THRB: variants seen among roughly 807,000 people sequenced by gnomAD.
THRB encodes thyroid hormone receptor beta.
A neutral mutation model predicts 47.8 loss-of-function variants in THRB; 12 were observed. That is an observed-to-expected ratio of 0.25 (90% CI 0.16 to 0.41). THRB has a LOEUF of 0.41. Ranked by LOEUF, THRB falls within the 10% of genes least tolerant of loss-of-function variation. THRB has a pLI of 1.00. For synonymous variants in THRB, 218 were observed against 212.2 expected, an observed-to-expected ratio of 1.03 and a Z score of -0.24; for missense variants, 348 against 589.2, an observed-to-expected ratio of 0.59 and a Z score of 4.24.
intron 1 of THRB, among the ~76,000 whole-genome samples, chr3:24,338,614 T>C (rs2062423956): frequency 6.6e-6 from 1 of 152,194 alleles, no homozygotes; most frequent in African/African-American, 2.4e-5. Context: ...AAAGCGATTG[T>C]TGGTTATGTG....
At chr3:24,207,345 G>T (rs949407848) in intron 4 of THRB, among the ~76,000 whole-genome samples, 4 of 152,068 alleles carry the variant, frequency 2.6e-5, no homozygotes, top group Admixed American at 1.3e-4. Context: ...TTCAACTTAC[G>T]CAAATCAATA....
intron 9 of THRB, among the ~76,000 whole-genome samples, chr3:24,130,198 G>A (rs933297788): frequency 1.8e-4 from 28 of 152,168 alleles, no homozygotes; most frequent in African/African-American, 3.6e-4. Flanking sequence ...CAGACCACAC[G>A]ATATCAGGGT....
chr3:24,212,165 G>A (rs1207854145), intron 4 of THRB, among the ~76,000 whole-genome samples: 3 of 152,090 alleles, frequency 2.0e-5, no homozygotes, highest in Admixed American at 1.3e-4. Context: ...TTGGGAGGCC[G>A]AGGTGGGTGG....
chr3:24,179,651 A>T (rs2041638081), intron 5 of THRB, among the ~76,000 whole-genome samples: 1 of 152,178 alleles, frequency 6.6e-6, no homozygotes, highest in South Asian at 2.1e-4. Flanking sequence ...TTTGCCACCA[A>T]TTTTATTTTT....
chr3:24,166,402 T>C (rs182812383), intron 5 of THRB, among the ~76,000 whole-genome samples: 15 of 152,280 alleles, frequency 9.9e-5, no homozygotes, highest in Admixed American at 9.8e-4. Context: ...TCAAATCTGC[T>C]TTTGAGATTA....
At chr3:24,439,170 A>AGATGAGGTAGATGTCATTGTCTG (rs2071279617) in intron 1 of THRB, among the ~76,000 whole-genome samples, 6 of 152,216 alleles carry the variant, frequency 3.9e-5, no homozygotes, top group Admixed American at 3.9e-4. Flanking sequence ...CGCATGAGGT[A>AGATGAGGTAGATGTCATTGTCTG]GATGAGGTAG....
At chr3:24,464,952 A>T (rs1270591156) in intron 1 of THRB, among the ~76,000 whole-genome samples, 1 of 152,172 alleles carries the variant, frequency 6.6e-6, no homozygotes, top group African/African-American at 2.4e-5. Flanking sequence ...AAAAATAGTT[A>T]CTATTAATGT....
intron 1 of THRB, among the ~76,000 whole-genome samples, chr3:24,398,792 G>A (rs975104265): frequency 1.1e-3 from 172 of 152,142 alleles, no homozygotes; most frequent in Non-Finnish European, 1.9e-3. Context: ...AGTTTATTGC[G>A]GCACTATTCA....
Position 24,269,387 on chromosome 3 carries a change from A to G in THRB, c.-43+27839T>C, listed in dbSNP as rs867365647. ...ACCATCATAGCTCATCATAGCTCAC[A>G]CGCGCGCGCGCGCGCGCACACACAC... is the stretch of plus-strand genomic sequence containing the variant. On this transcript the variant is annotated intron_variant, in intron 3 of 10. Coordinates refer to ENST00000646209, the MANE Select transcript of THRB (RefSeq NM_001354712.2). Among the ~76,000 whole-genome samples, 254 of 98,362 alleles carry G rather than the reference A, an allele frequency of 2.6e-3. 1 individual carries two copies. Among genetic ancestry groups the G allele is most frequent in the African/African-American group, 9.4e-3 (242 of 25,848 alleles). The allele number at this position is 98,362 out of a possible 152,430, so 64.5% of individuals were successfully genotyped here.
At chr3:24,355,499 G>C (rs1016777168) in intron 1 of THRB, among the ~76,000 whole-genome samples, 1 of 152,166 alleles carries the variant, frequency 6.6e-6, no homozygotes, top group Non-Finnish European at 1.5e-5. Context: ...TATCAATGTT[G>C]AATTTCCTGG....
At chr3:24,261,545 A>G (rs1408379578) in intron 3 of THRB, among the ~76,000 whole-genome samples, 4 of 150,766 alleles carry the variant, frequency 2.7e-5, no homozygotes, top group Non-Finnish European at 4.4e-5. Flanking sequence ...AGATCCCACT[A>G]TACTCTTCAG....
At chr3:24,326,343 C>A (rs2061592685) in intron 2 of THRB, among the ~76,000 whole-genome samples, 1 of 152,198 alleles carries the variant, frequency 6.6e-6, no homozygotes, top group Non-Finnish European at 1.5e-5. Flanking sequence ...TCAAGCAATT[C>A]TCTTGCCTCA....
intron 5 of THRB, among the ~76,000 whole-genome samples, chr3:24,183,423 A>C (rs1359609171): frequency 7.0e-6 from 1 of 143,094 alleles, no homozygotes; most frequent in Non-Finnish European, 1.5e-5. Flanking sequence ...CTGGAGTGCA[A>C]TGGCGCTATC....
chr3:24,299,569 T>C (rs2056752711), intron 2 of THRB, among the ~76,000 whole-genome samples: 1 of 151,956 alleles, frequency 6.6e-6, no homozygotes, highest in Admixed American at 6.5e-5. Flanking sequence ...CTGATCTCTG[T>C]TTTTCACAGA....
intron 5 of THRB, chr3:24,165,495 A>G (rs1284843514): frequency 1.7e-6 from 1 of 592,688 alleles, no homozygotes; most frequent in Non-Finnish European, 3.0e-6. Context: ...GAAGATGAAT[A>G]AACACCACCA....
intron 1 of THRB, among the ~76,000 whole-genome samples, chr3:24,362,161 T>G (rs975556767): frequency 6.6e-6 from 1 of 152,086 alleles, no homozygotes; most frequent in Non-Finnish European, 1.5e-5. Flanking sequence ...TGCTTTCACC[T>G]CCTCAAAACC....
chr3:24,390,734 T>C (rs1350992541), intron 1 of THRB, among the ~76,000 whole-genome samples: 1 of 150,778 alleles, frequency 6.6e-6, no homozygotes, highest in Non-Finnish European at 1.5e-5. Flanking sequence ...TGTTTTCTTT[T>C]TAGCCAGCCT....
chr3:24,412,958 A>G (rs963723988), intron 1 of THRB, among the ~76,000 whole-genome samples: 3 of 151,826 alleles, frequency 2.0e-5, no homozygotes, highest in Admixed American at 6.6e-5. Flanking sequence ...TTTAAATAAT[A>G]TACCATTTTC....
intron 1 of THRB, among the ~76,000 whole-genome samples, chr3:24,363,552 CG>C (rs2064226846): frequency 6.6e-6 from 1 of 152,152 alleles, no homozygotes; most frequent in African/African-American, 2.4e-5. Flanking sequence ...TAAACCAAAA[CG>C]TGAAGCTCAA....
Sources: gnomAD v4.1 joint callset for allele counts (sites outside exome capture counted in the v4.1 genomes callset) on GRCh38, gnomAD v4.1.1 for gene constraint, MANE v1.5 for transcripts, NCBI Gene and HGNC (gene_info 2026-07-23, HGNC 2026-07-21) for gene names.